The following TSEN15 variants were observed in gnomAD, a reference collection of about 807,000 sequenced individuals.
The protein encoded by TSEN15 is tRNA-splicing endonuclease subunit Sen15.
A neutral mutation model predicts 20.5 loss-of-function variants in TSEN15; 10 were observed. The ratio of observed to expected loss-of-function variants is 0.49; its 90% CI spans 0.30 to 0.83. The LOEUF is 0.83. Among genes scored for constraint, TSEN15 ranks in the 40% least tolerant of loss-of-function variants. The pLI, the probability that TSEN15 is intolerant of heterozygous loss-of-function variation, is 0.06. For synonymous variants in TSEN15, 72 were observed against 80.1 expected, an observed-to-expected ratio of 0.90 and a Z score of 0.54; for missense variants, 180 against 218.6, an observed-to-expected ratio of 0.82 and a Z score of 1.11.
downstream of TSEN15, among the ~76,000 whole-genome samples, chr1:184,074,401 T>G (rs1166180632): frequency 1.3e-5 from 2 of 152,132 alleles, no homozygotes; most frequent in Non-Finnish European, 2.9e-5. Context: ...ATCTGAGACT[T>G]GACTGGGGAA....
chr1:184,062,744 TTTTG>T (rs1360211336), intron 3 of TSEN15, among the ~76,000 whole-genome samples: 4 of 152,006 alleles, frequency 2.6e-5, no homozygotes, highest in Non-Finnish European at 5.9e-5. Flanking sequence ...GTAGGGTTTT[TTTTG>T]TTTGTTTTTT....
intron 3 of TSEN15, among the ~76,000 whole-genome samples, chr1:184,087,264 C>T (rs1651278309): frequency 6.6e-6 from 1 of 152,026 alleles, no homozygotes; most frequent in Non-Finnish European, 1.5e-5. Context: ...AATGCATAAC[C>T]AATATAAAAA....
intron 3 of TSEN15, among the ~76,000 whole-genome samples, chr1:184,089,525 G>A (rs1011940484): frequency 6.6e-6 from 1 of 152,116 alleles, no homozygotes; most frequent in Non-Finnish European, 1.5e-5. Flanking sequence ...GTGTTTGAGA[G>A]ACTATCGGAG....
At chr1:184,079,750 T>C (rs1651128208) in intron 3 of TSEN15, among the ~76,000 whole-genome samples, 1 of 152,164 alleles carries the variant, frequency 6.6e-6, no homozygotes. Flanking sequence ...GGATAGGATT[T>C]CAATATATGA....
downstream of TSEN15, among the ~76,000 whole-genome samples, chr1:184,076,645 G>A (rs1380580653): frequency 6.6e-6 from 1 of 152,124 alleles, no homozygotes; most frequent in Non-Finnish European, 1.5e-5. Context: ...GTGCCAAACA[G>A]TCAAGTTGTG....
chr1:184,051,738 A>G lies in TSEN15; in HGVS notation c.-18A>G, dbSNP rs1157159230. On this transcript the variant is annotated 5_prime_UTR_variant, in exon 1 of 5. Coordinates refer to ENST00000645668, the MANE Select transcript of TSEN15 (RefSeq NM_052965.4). ...GGCGCGGGTCGTGGTGCACCACGGG[A>G]GCGCCGCACCGGCCGGCATGGAGGA... The G allele has an allele frequency of 7.2e-7, 1 of 1,396,748 alleles. No individual in the cohort carries two copies. Among genetic ancestry groups the G allele is most frequent in the East Asian group, 3.0e-5 (1 of 33,830 alleles). 86.5% of individuals were successfully genotyped at this position (1,396,748 alleles called of 1,614,324 possible).
chr1:184,063,447 G>A (rs1393191758), intron 3 of TSEN15, among the ~76,000 whole-genome samples: 2 of 152,122 alleles, frequency 1.3e-5, no homozygotes, highest in Non-Finnish European at 2.9e-5. Flanking sequence ...ATAATTCTGT[G>A]CACATTAGAA....
chr1:184,058,242 T>C (rs1471418870), intron 3 of TSEN15: 1 of 414,648 alleles, frequency 2.4e-6, no homozygotes, highest in African/African-American at 2.1e-5. Context: ...GATAACTTGG[T>C]AAGCCATTTT....
intron 3 of TSEN15, among the ~76,000 whole-genome samples, chr1:184,062,380 A>G (rs180783297): frequency 2.0e-5 from 3 of 152,260 alleles, no homozygotes; most frequent in African/African-American, 4.8e-5. Flanking sequence ...ATAAAATCAT[A>G]TTCATAGATA....
chr1:184,062,263 T>C (rs906690330), intron 3 of TSEN15, among the ~76,000 whole-genome samples: 13 of 152,178 alleles, frequency 8.5e-5, no homozygotes, highest in African/African-American at 3.1e-4. Context: ...GGTATCCATA[T>C]GGACAGTACT....
intron 3 of TSEN15, among the ~76,000 whole-genome samples, chr1:184,057,483 CCA>C (rs775184507): frequency 4.5e-4 from 69 of 152,244 alleles, no homozygotes; most frequent in Non-Finnish European, 5.3e-4. Context: ...AGAAAGAGCC[CCA>C]GACTATAAAG....
downstream of TSEN15, among the ~76,000 whole-genome samples, chr1:184,077,180 T>C (rs1279242201): frequency 6.6e-6 from 1 of 152,116 alleles, no homozygotes; most frequent in African/African-American, 2.4e-5. Flanking sequence ...CTAATGCAGC[T>C]GATGACTAAA....
chr1:184,072,352 G>T, intron 4 of TSEN15, 54 bp downstream of exon 4: 2 of 1,502,376 alleles, frequency 1.3e-6, no homozygotes, highest in Non-Finnish European at 1.8e-6. Context: ...AAATTATGAC[G>T]TGATTTTAAG....
chr1:184,055,770 C>G (rs1319988778), intron 3 of TSEN15, among the ~76,000 whole-genome samples: 1 of 151,882 alleles, frequency 6.6e-6, no homozygotes, highest in African/African-American at 2.4e-5. Flanking sequence ...TTAGTTCATG[C>G]TTGGTTTTTA....
Position 184,051,875 on chromosome 1 carries a change from G to T in TSEN15, c.120G>T (p.Met40Ile). The T allele has an allele frequency of 6.4e-7, 1 of 1,553,698 alleles. No individual in the cohort carries two copies. The part of the protein sequence containing the change: ...APSWAPEDAW[M>I]GTHPKYLEMM... ...CGTGGGCCCCTGAGGACGCCTGGAT[G>T]GGCACTCACCCTAAGGTCAGGAGGC... Residue 40 changes from methionine (M) to isoleucine (I), a missense_variant, in exon 1 of 5, where the codon ATG (methionine) becomes ATT (isoleucine). Around this residue, in one of 3 missense-constraint regions of TSEN15, gnomAD observed 76 missense variants for 66.5 expected, o/e 1.14. Coordinates refer to ENST00000645668, the MANE Select transcript of TSEN15 (RefSeq NM_052965.4).
intron 3 of TSEN15, among the ~76,000 whole-genome samples, chr1:184,067,635 C>G (rs1312268948): frequency 6.6e-6 from 1 of 151,822 alleles, no homozygotes; most frequent in African/African-American, 2.4e-5. Flanking sequence ...TCTGCAAAAT[C>G]TGCCAGGCAC....
In TSEN15 at chr1:184,086,415, T is replaced by A. The variant is rs556309797; in HGVS notation, c.354-9275T>A. Among the ~76,000 whole-genome samples, 8 of 152,344 alleles carry A rather than the reference T, an allele frequency of 5.3e-5. No homozygotes were observed. In the South Asian group the frequency reaches 1.7e-3, roughly 32 times the overall value. On this transcript the variant is annotated intron_variant, in intron 3 of 3. Coordinates refer to the TSEN15 transcript ENST00000643231. ...GGGAAGATATAGGGTATGGATGGTATATTAGTAATCTATTGCTGTGTGACA... is the reference window on the plus strand; with the variant it reads ...GGGAAGATATAGGGTATGGATGGTAAATTAGTAATCTATTGCTGTGTGACA...
intron 3 of TSEN15, among the ~76,000 whole-genome samples, chr1:184,067,939 AAAATATATATAT>A (rs1322926152): frequency 1.8e-5 from 2 of 113,464 alleles, no homozygotes; most frequent in African/African-American, 6.8e-5. Flanking sequence ...AAAAAAAAAA[AAAATATATATAT>A]ATATATATAT....
rs762053126 is a variant in TSEN15, at chr1:184,072,274, T to C, written c.471T>C (p.Asp157=). 55 of 1,611,704 alleles carry C rather than the reference T, an allele frequency of 3.4e-5. No homozygotes were observed. Among genetic ancestry groups the C allele is most frequent in the Non-Finnish European group, 4.6e-5 (54 of 1,179,020 alleles). Reference sequence around the variant, plus strand: ...CAATAGTCTATTATAAACTTACTGATGGATTTATGCTGCCAGACCCTCAGG... The same window carrying C: ...CAATAGTCTATTATAAACTTACTGACGGATTTATGCTGCCAGACCCTCAGG... ...DSTIVYYKLT[D]GFMLPDPQNI... Residue 157 remains aspartate, a synonymous_variant, in exon 4 of 5, where the codon GAT becomes GAC. Coordinates refer to ENST00000645668, the MANE Select transcript of TSEN15 (RefSeq NM_052965.4).
Sources: gnomAD v4.1 joint callset for allele counts (sites outside exome capture counted in the v4.1 genomes callset) on GRCh38, gnomAD v4.1.1 for gene constraint, gnomAD v4.1.1 regional missense constraint, MANE v1.5 for transcripts, NCBI Gene and HGNC (gene_info 2026-07-23, HGNC 2026-07-21) for gene names.